CLCN6: variants seen among roughly 807,000 people sequenced by gnomAD.
The protein encoded by CLCN6 is Cl-/H+ antiporter 6.
In CLCN6, 70 loss-of-function variants were observed where a neutral mutation model predicts 109.8. That is an observed-to-expected ratio of 0.64 (90% CI 0.53 to 0.78). The LOEUF (loss-of-function observed/expected upper bound fraction) is 0.78, where lower values mean the gene tolerates loss of function less well. CLCN6 is among the 30% of genes least tolerant of loss of function. The pLI is 0.00. For synonymous variants in CLCN6, 444 were observed against 447.8 expected, an observed-to-expected ratio of 0.99 and a Z score of 0.11; for missense variants, 984 against 1,142.3, an observed-to-expected ratio of 0.86 and a Z score of 2.00.
chr1:11,822,796 A>ATTGAGG lies in CLCN6; in HGVS notation c.450_453+2dup, dbSNP rs1185163886. 6.2e-6 allele frequency: 10 copies of ATTGAGG among 1,610,104 alleles called. No individual in the cohort carries two copies. Among genetic ancestry groups the ATTGAGG allele is most frequent in the Non-Finnish European group, 7.7e-6 (9 of 1,176,438 alleles). ...CTTCCTGGCAAGCCTCCTTGTTCTC[A>ATTGAGG]TTGAGGTGAGGTGGTTTGGATTCAC... On this transcript the variant is annotated inframe_insertion, in exon 6 of 23. Coordinates refer to ENST00000346436, the MANE Select transcript of CLCN6 (RefSeq NM_001286.5).
intron 13 of CLCN6, 111 bp from the exon 14 acceptor site, chr1:11,833,404 A>G: frequency 9.4e-7 from 1 of 1,059,796 alleles, no homozygotes; most frequent in Non-Finnish European, 1.4e-6. Context: ...GGCCTGTTTG[A>G]TTGATGGGGA....
intron 2 of CLCN6, among the ~76,000 whole-genome samples, chr1:11,810,934 G>A (rs1237668135): frequency 3.3e-5 from 5 of 152,138 alleles, no homozygotes; most frequent in Admixed American, 6.5e-5. Flanking sequence ...GCAGGGGGCC[G>A]GGTGCAGTGG....
intron 2 of CLCN6, among the ~76,000 whole-genome samples, chr1:11,809,135 A>G (rs1158408329): frequency 3.9e-4 from 59 of 152,158 alleles, no homozygotes; most frequent in Admixed American, 3.9e-3. Context: ...CTGGGATTAC[A>G]GGTATGAGCC....
chr1:11,833,894 A>G lies in CLCN6; in HGVS notation c.1390A>G (p.Thr464Ala). The G allele has an allele frequency of 6.2e-7, 1 of 1,610,908 alleles. No homozygotes were observed. The highest frequency in any genetic ancestry group is 8.5e-7 in the Non-Finnish European group (1 of 1,178,884). ...FHQDGTFSPV[T>A]LALFFVLYFL... is the part of the protein sequence containing the mutation. ...CCTTGCAGGTACTTTCAGCCCCGTC[A>G]CTCTGGCCTTGTTCTTCGTTCTCTA... Residue 464 changes from threonine (T) to alanine (A), a missense_variant, in exon 15 of 23, where the codon ACT becomes GCT. Transcript: ENST00000346436.
intron 12 of CLCN6, among the ~76,000 whole-genome samples, 198 bp from the exon 13 acceptor site, chr1:11,828,998 T>C (rs760651006): frequency 6.6e-6 from 1 of 152,234 alleles, no homozygotes; most frequent in Non-Finnish European, 1.5e-5. Context: ...CAGCCCACTT[T>C]AACTGTCCAC....
chr1:11,840,496 T>G lies in CLCN6; in HGVS notation c.*273T>G. 1 of 526,228 alleles carries G rather than the reference T, an allele frequency of 1.9e-6. No individual in the cohort carries two copies. The highest frequency in any genetic ancestry group is 3.5e-6 in the Non-Finnish European group (1 of 289,768). 32.6% of individuals were successfully genotyped at this position (526,228 alleles called of 1,614,324 possible). A position where few individuals can be genotyped will look rare whatever the true frequency, so the allele number is the denominator to read the frequency against. On this transcript the variant is annotated 3_prime_UTR_variant, in exon 23 of 23. Coordinates refer to ENST00000346436, the MANE Select transcript of CLCN6 (RefSeq NM_001286.5). Reference sequence around the variant, plus strand: ...TCCAGTGTTGGCACAGGCCCACCCCTGGCTCCACCAGAGCCAGAAGCAGAG... The same window carrying G: ...TCCAGTGTTGGCACAGGCCCACCCCGGGCTCCACCAGAGCCAGAAGCAGAG...
At chr1:11,829,390 C>G (rs543111009) in intron 13 of CLCN6, 68 bp downstream of exon 13, 4 of 1,580,374 alleles carry the variant, frequency 2.5e-6, no homozygotes, top group African/African-American at 1.3e-5. Context: ...TATGACCTTC[C>G]TCTGTTGAGA....
rs768481404 is a variant in CLCN6 at position 11,828,598 on chromosome 1, C to T, written c.1095C>T (p.Asn365=). ...GGCTTGCAAAGTACCGTATGCGAAACGTGCACCCGAAACCTAAGCTCGTCA... is the reference window on the plus strand; with the variant it reads ...GGCTTGCAAAGTACCGTATGCGAAATGTGCACCCGAAACCTAAGCTCGTCA... The part of the protein sequence containing the change: ...NKRLAKYRMR[N]VHPKPKLVRV... Residue 365 remains asparagine (N), a synonymous_variant, in exon 12 of 23, where the codon AAC becomes AAT. Transcript: ENST00000346436. 6.8e-6 allele frequency: 11 copies of T among 1,612,298 alleles called. No individual in the cohort carries two copies. The highest frequency in any genetic ancestry group is 5.0e-5 in the Admixed American group (3 of 59,832).
At chr1:11,812,398 G>A (rs1644610367) in intron 2 of CLCN6, among the ~76,000 whole-genome samples, 1 of 151,906 alleles carries the variant, frequency 6.6e-6, no homozygotes, top group East Asian at 1.9e-4. Flanking sequence ...CTGTCTGGAA[G>A]CTCTCTGAAC....
chr1:11,842,306 G>A lies in CLCN6; in HGVS notation c.*2083G>A, dbSNP rs1433624815. On this transcript the variant is annotated 3_prime_UTR_variant, in exon 23 of 23. Transcript: ENST00000346436. ...CAGATATTTTGTTCCCATCAGTTTA[G>A]CCCAGAGATAGACAGTAGAATGCAA... 6.6e-6 allele frequency: 1 copy of A among 152,662 alleles called. No individual in the cohort carries two copies. Among genetic ancestry groups the A allele is most frequent in the Non-Finnish European group, 1.5e-5 (1 of 68,046 alleles). The allele number at this position is 152,662 out of a possible 1,614,324, so 9.5% of individuals were successfully genotyped here.
intron 6 of CLCN6, among the ~76,000 whole-genome samples, chr1:11,823,374 G>T (rs112796317): frequency 2.6e-5 from 4 of 152,106 alleles, no homozygotes; most frequent in African/African-American, 9.6e-5. Flanking sequence ...CTACTCGGGC[G>T]ACTGAGGCAG....
intron 3 of CLCN6, among the ~76,000 whole-genome samples, chr1:11,816,242 C>T (rs1644670093): frequency 6.6e-6 from 1 of 152,124 alleles, no homozygotes; most frequent in South Asian, 2.1e-4. Flanking sequence ...CTTTATAGAC[C>T]TCAGTATAGT....
rs890497348 is a variant in CLCN6, at chr1:11,838,575, C to T, written c.2444C>T (p.Ser815Leu). Residue 815 changes from serine (S) to leucine (L), a missense_variant, in exon 22 of 23, where the codon TCG becomes TTG. Physicochemically the swap from Ser to Leu is moderately radical, Grantham distance 145. Coordinates refer to ENST00000346436, the MANE Select transcript of CLCN6 (RefSeq NM_001286.5). ...PYMNPSPFTVSPNTHVSQVFN... is the reference protein window; with the variant it reads ...PYMNPSPFTVLPNTHVSQVFN... ...ATGAACCCTTCGCCTTTCACCGTCT[C>T]GCCCAACACCCACGTCTCCCAAGTC... The T allele has an allele frequency of 3.1e-6, 5 of 1,612,946 alleles. No homozygotes were observed. Among genetic ancestry groups the T allele is most frequent in the South Asian group, 2.2e-5 (2 of 91,046 alleles).
chr1:11,832,584 T>C (rs1373195928), intron 13 of CLCN6, among the ~76,000 whole-genome samples: 2 of 152,232 alleles, frequency 1.3e-5, no homozygotes, highest in Non-Finnish European at 2.9e-5. Flanking sequence ...ACGTCTATAT[T>C]GCCCAGCCCG....
intron 5 of CLCN6, among the ~76,000 whole-genome samples, chr1:11,821,077 AAAACAACAAC>A (rs1380393694): frequency 7.6e-5 from 11 of 143,880 alleles, no homozygotes; most frequent in Non-Finnish European, 1.1e-4. Flanking sequence ...ACTGTCTCAA[AAAACAACAAC>A]AAAAAAAAAA....
intron 5 of CLCN6, among the ~76,000 whole-genome samples, chr1:11,822,403 C>CATAT (rs1259604890): frequency 6.6e-6 from 1 of 152,022 alleles, no homozygotes; most frequent in Non-Finnish European, 1.5e-5. Context: ...GGACCATAGG[C>CATAT]ATATACCTTT....
At chr1:11,816,735 G>C in intron 4 of CLCN6, 55 bp downstream of exon 4, 4 of 1,358,764 alleles carry the variant, frequency 2.9e-6, no homozygotes, top group African/African-American at 1.4e-5. Flanking sequence ...GGGGCTTACA[G>C]GGAAAGCCCT....
intron 9 of CLCN6, among the ~76,000 whole-genome samples, chr1:11,826,821 AT>A (rs1230911008): frequency 1.3e-5 from 2 of 152,130 alleles, no homozygotes; most frequent in Non-Finnish European, 2.9e-5. Flanking sequence ...GGGGGCTGAG[AT>A]TCTGAGATCA....
At chr1:11,830,723 G>A (rs545114451) in intron 13 of CLCN6, among the ~76,000 whole-genome samples, 52 of 135,278 alleles carry the variant, frequency 3.8e-4, no homozygotes, top group Non-Finnish European at 7.4e-4. Context: ...AGTGTCCCCA[G>A]TTATATGTAT....
Sources: gnomAD v4.1 joint callset for allele counts (sites outside exome capture counted in the v4.1 genomes callset) on GRCh38, gnomAD v4.1.1 for gene constraint, MANE v1.5 for transcripts, NCBI Gene and HGNC (gene_info 2026-07-23, HGNC 2026-07-21) for gene names.